The following MLLT1 variants were observed in gnomAD, a reference collection of about 807,000 sequenced individuals.
MLLT1 encodes the protein protein ENL.
A neutral mutation model predicts 55.1 loss-of-function variants in MLLT1; 11 were observed. The observed-to-expected ratio is 0.20, with a 90% CI of 0.13 to 0.33. The LOEUF (loss-of-function observed/expected upper bound fraction) is 0.33. Among genes scored for constraint, MLLT1 ranks in the 10% least tolerant of loss-of-function variants. The pLI is 1.00. For synonymous variants in MLLT1, 323 were observed against 320.1 expected, an observed-to-expected ratio of 1.01 and a Z score of -0.10; for missense variants, 536 against 760.6, an observed-to-expected ratio of 0.70 and a Z score of 3.47.
rs1471897200 is a variant in MLLT1 at position 6,279,131 on chromosome 19, T to A, written c.12+642A>T. ...GATAAAGCTTAGGCTGGGCCGGGGT[T>A]CAAGGAAGAGAGACGCCGCAGAGCA... On this transcript the variant is annotated intron_variant, in intron 1 of 11. Coordinates refer to ENST00000252674, the MANE Select transcript of MLLT1 (RefSeq NM_005934.4). 2.0e-5 allele frequency among the ~76,000 whole-genome samples: 3 copies of A among 151,436 alleles called. No homozygotes were observed. The East Asian group carries it at 5.9e-4, about 30-fold the overall frequency.
chr19:6,213,588 G>A, intron 10 of MLLT1, 138 bp downstream of exon 10: 4 of 1,013,698 alleles, frequency 3.9e-6, no homozygotes, highest in South Asian at 1.4e-5. Context: ...ACCGGGAGGG[G>A]AGGAAGGACT....
chr19:6,239,723 C>T (rs1347328772), intron 3 of MLLT1, among the ~76,000 whole-genome samples: 2 of 151,524 alleles, frequency 1.3e-5, no homozygotes, highest in East Asian at 1.9e-4. Flanking sequence ...CACACCCCCA[C>T]ACTCATACAC....
At position 6,273,083 on chromosome 19, in the gene MLLT1, G is replaced by C. The variant is rs2091407443; in HGVS notation, c.13-2324C>G. On this transcript the variant is annotated intron_variant, in intron 1 of 11. Coordinates refer to ENST00000252674, the MANE Select transcript of MLLT1 (RefSeq NM_005934.4). This position sits in a 1 kb window ranked among gnomAD's most constrained non-coding sequence, Gnocchi z 4.3. ...TCCCTAGGGACCAGGCACACTGCAG[G>C]GGGTGCCTGGGATCAGGCCGGAGAC... is the stretch of plus-strand genomic sequence containing the variant. 6.6e-6 allele frequency among the ~76,000 whole-genome samples: 1 copy of C among 152,142 alleles called. No homozygotes were observed. Among genetic ancestry groups the C allele is most frequent in the Non-Finnish European group, 1.5e-5 (1 of 68,018 alleles).
intron 1 of MLLT1, among the ~76,000 whole-genome samples, chr19:6,274,417 T>C (rs1336113442): frequency 6.6e-6 from 1 of 152,120 alleles, no homozygotes; most frequent in Non-Finnish European, 1.5e-5. Context: ...TCCTTGGCCA[T>C]TAGGACCAAA....
At chr19:6,220,985 C>A (rs545243189) in intron 6 of MLLT1, among the ~76,000 whole-genome samples, 1 of 152,354 alleles carries the variant, frequency 6.6e-6, no homozygotes, top group Admixed American at 6.5e-5. Flanking sequence ...CCTTGCCAGC[C>A]CATGTGTCTA....
intron 6 of MLLT1, 148 bp from the exon 7 acceptor site, chr19:6,218,189 C>A (rs986753973): frequency 2.1e-5 from 27 of 1,263,924 alleles, no homozygotes; most frequent in Admixed American, 1.5e-4. Flanking sequence ...ACGTGTGCCG[C>A]TGAGAACCCA....
Position 6,213,772 on chromosome 19 carries a change from G to A in MLLT1, c.1433C>T (p.Ser478Phe). 2 of 1,613,424 alleles carry A rather than the reference G, an allele frequency of 1.2e-6. No individual in the cohort carries two copies. Among genetic ancestry groups the A allele is most frequent in the Non-Finnish European group, 1.7e-6 (2 of 1,179,804 alleles). ...SKVSGRRSPE[S>F]CSKPEKILKK... Reference sequence around the variant, plus strand: ...GAGGATCTTCTCAGGCTTGCTGCAGGACTCGGGGCTCCTCCGGCCTGACAC... The same window carrying A: ...GAGGATCTTCTCAGGCTTGCTGCAGAACTCGGGGCTCCTCCGGCCTGACAC... Residue 478 changes from serine (S) to phenylalanine (F), a missense_variant, in exon 10 of 12, where the codon TCC becomes TTC. By Grantham distance (155) the Ser-to-Phe change is radical. Transcript: ENST00000252674.
Position 6,222,688 on chromosome 19 carries a change from C to CA in MLLT1, c.547-5dup. The CA allele has an allele frequency of 6.6e-7, 1 of 1,525,366 alleles. No individual in the cohort carries two copies. 94.5% of individuals were successfully genotyped at this position (1,525,366 alleles called of 1,614,324 possible). A position where few individuals can be genotyped will look rare whatever the true frequency, so the allele number is the denominator to read the frequency against. ...TGCTGCTCTCCTTGTTGGCGTCCTG[C>CA]AAGGCCAAGAGCAGGGAGGGCAAGG... On this transcript the variant is annotated splice_region_variant and splice_polypyrimidine_tract_variant and intron_variant, in intron 5 of 11. Coordinates refer to ENST00000252674, the MANE Select transcript of MLLT1 (RefSeq NM_005934.4). This position sits in a 1 kb window ranked among gnomAD's most constrained non-coding sequence, Gnocchi z 4.1.
chr19:6,266,381 T>C (rs2091349491), intron 2 of MLLT1, among the ~76,000 whole-genome samples: 2 of 152,000 alleles, frequency 1.3e-5, no homozygotes. Context: ...ACCATTCTAC[T>C]GTGAGAAGAG....
Position 6,226,881 on chromosome 19 carries a change from G to A in MLLT1, c.546+96C>T, listed in dbSNP as rs528641361. ...AGACGCCAAGGGAGCGAGCAGGTGCGGAAGGCCCAGCCCAGTGGAGGGAGG... is the reference window on the plus strand; with the variant it reads ...AGACGCCAAGGGAGCGAGCAGGTGCAGAAGGCCCAGCCCAGTGGAGGGAGG... On this transcript the variant is annotated intron_variant, in intron 5 of 11. Coordinates refer to ENST00000252674, the MANE Select transcript of MLLT1 (RefSeq NM_005934.4). The surrounding 1 kb of genome is among the most constrained non-coding windows in gnomAD (Gnocchi z 6.3). The A allele has an allele frequency of 3.9e-5, 42 of 1,067,604 alleles. No individual in the cohort carries two copies. In the East Asian group the frequency reaches 8.4e-4, roughly 21 times the overall value. 66.1% of individuals were successfully genotyped at this position (1,067,604 alleles called of 1,614,324 possible).
chr19:6,270,529 G>A lies in MLLT1; in HGVS notation c.193+50C>T, dbSNP rs374225300. 4.5e-6 allele frequency: 7 copies of A among 1,556,306 alleles called. No homozygotes were observed. The highest frequency in any genetic ancestry group is 6.1e-6 in the Non-Finnish European group (7 of 1,148,918). ...GGTGGAGCCTGGCCTTGGGAGGAGT[G>A]AAGACAGATGGGTCCGTGCTGTGGG... On this transcript the variant is annotated intron_variant, in intron 2 of 11. Transcript: ENST00000252674. This position sits in a 1 kb window ranked among gnomAD's most constrained non-coding sequence, Gnocchi z 7.1.
At chr19:6,272,042 A>C (rs2091399471) in intron 1 of MLLT1, among the ~76,000 whole-genome samples, 1 of 151,898 alleles carries the variant, frequency 6.6e-6, no homozygotes, top group African/African-American at 2.4e-5. Flanking sequence ...CTCAGTTGTC[A>C]CGCGATGGAG....
intron 6 of MLLT1, among the ~76,000 whole-genome samples, chr19:6,218,876 G>T (rs1009131855): frequency 6.6e-6 from 1 of 152,154 alleles, no homozygotes. Flanking sequence ...GACATGGCGG[G>T]CCCAGGGCAG....
intron 2 of MLLT1, among the ~76,000 whole-genome samples, chr19:6,265,048 AC>A (rs72427354): frequency 0.35 from 24,296 of 69,394 alleles, 4,513 homozygotes; most frequent in African/African-American, 0.52. Flanking sequence ...CAAAAAAAAA[AC>A]AAAAAAACAA....
chr19:6,244,307 A>C (rs1243186149), intron 3 of MLLT1, among the ~76,000 whole-genome samples: 1 of 151,994 alleles, frequency 6.6e-6, no homozygotes. Context: ...GAAATCCATG[A>C]AACTCCAGCA....
At chr19:6,274,932 T>C (rs932378586) in intron 1 of MLLT1, among the ~76,000 whole-genome samples, 2 of 152,132 alleles carry the variant, frequency 1.3e-5, no homozygotes, top group Non-Finnish European at 2.9e-5. Flanking sequence ...AGGGCCAAAA[T>C]CCCAAATCAG....
intron 3 of MLLT1, among the ~76,000 whole-genome samples, chr19:6,233,598 G>T (rs994013445): frequency 6.6e-6 from 1 of 152,246 alleles, no homozygotes; most frequent in Non-Finnish European, 1.5e-5. Flanking sequence ...AAACTGCAGG[G>T]ACAAAGTTTC....
intron 2 of MLLT1, among the ~76,000 whole-genome samples, chr19:6,265,735 C>T (rs936326776): frequency 6.6e-6 from 1 of 151,830 alleles, no homozygotes; most frequent in South Asian, 2.1e-4. Flanking sequence ...AATCTCAGCA[C>T]TTTGGGAGGC....
intron 2 of MLLT1, among the ~76,000 whole-genome samples, chr19:6,265,048 ACAAAAAAAC>A (rs757100846): frequency 0.2 from 14,186 of 71,954 alleles, 1,739 homozygotes; most frequent in Non-Finnish European, 0.27. Flanking sequence ...CAAAAAAAAA[ACAAAAAAAC>A]AAAAAAACAA....
Sources: allele counts gnomAD v4.1 joint callset (sites outside exome capture counted in the v4.1 genomes callset), GRCh38; gene constraint gnomAD v4.1.1; non-coding constraint Gnocchi (gnomAD v3.1); transcripts MANE v1.5; gene names NCBI Gene and HGNC (gene_info 2026-07-23, HGNC 2026-07-21).